LARGE1: variants seen among roughly 807,000 people sequenced by gnomAD.
LARGE1 encodes the protein LARGE xylosyl- and glucuronyltransferase 1, also known as xylosyl- and glucuronyltransferase LARGE1.
A neutral mutation model predicts 87.6 loss-of-function variants in LARGE1; 43 were observed. That is an observed-to-expected ratio of 0.49 (90% CI 0.38 to 0.63). The LOEUF is 0.63. Ranked by LOEUF, LARGE1 falls within the 30% of genes least tolerant of loss-of-function variation. The pLI is 0.00. For missense variants in LARGE1, 802 were observed against 1,000.2 expected (o/e 0.80, Z 2.67); for synonymous variants, 434 against 394.6 (o/e 1.10, Z -1.18).
At chr22:33,213,947 G>C (rs1322759477) in intron 11 of LARGE1, among the ~76,000 whole-genome samples, 2 of 152,064 alleles carry the variant, frequency 1.3e-5, no homozygotes, top group Non-Finnish European at 2.9e-5. Context: ...TCCTGCTTCA[G>C]CCTCCTGAGC....
chr22:33,831,077 C>T (rs73406608), intron 1 of LARGE1, among the ~76,000 whole-genome samples: 6,038 of 151,484 alleles, frequency 0.04, 418 homozygotes, highest in African/African-American at 0.14. Flanking sequence ...CACATATTAG[C>T]AGATATTATT....
At chr22:33,381,554 T>C (rs2065158703) in intron 9 of LARGE1, among the ~76,000 whole-genome samples, 1 of 152,174 alleles carries the variant, frequency 6.6e-6, no homozygotes, top group African/African-American at 2.4e-5. Context: ...TGGAAGCAGG[T>C]TAATTATTCA....
intron 2 of LARGE1, among the ~76,000 whole-genome samples, chr22:33,653,301 C>T (rs1395814141): frequency 1.3e-5 from 2 of 152,166 alleles, no homozygotes; most frequent in Non-Finnish European, 2.9e-5. Context: ...AAAGTTTAAA[C>T]TGTGTTCCTA....
exon 12 of LARGE1, chr22:33,166,257 T>C (rs1162850082): frequency 6.5e-6 from 1 of 153,374 alleles, no homozygotes; most frequent in African/African-American, 2.4e-5. Flanking sequence ...CACTCAAGTC[T>C]GCCTTTGCAG....
intron 9 of LARGE1, among the ~76,000 whole-genome samples, chr22:33,350,673 G>T (rs1198020996): frequency 6.6e-6 from 1 of 152,198 alleles, no homozygotes; most frequent in Non-Finnish European, 1.5e-5. Context: ...GGGAGAGGCA[G>T]CTGTGCTTCC....
intron 1 of LARGE1, among the ~76,000 whole-genome samples, chr22:33,820,737 C>T (rs1256785024): frequency 1.3e-5 from 2 of 152,168 alleles, no homozygotes; most frequent in Non-Finnish European, 2.9e-5. Context: ...TACCCCAATG[C>T]TACCATTTGA....
At chr22:33,313,922 C>G (rs374251683) in intron 11 of LARGE1, among the ~76,000 whole-genome samples, 1 of 152,216 alleles carries the variant, frequency 6.6e-6, no homozygotes, top group African/African-American at 2.4e-5. Flanking sequence ...ATGTGTGGTA[C>G]TTTGTCACCT....
intron 6 of LARGE1, among the ~76,000 whole-genome samples, chr22:33,451,387 G>A (rs928395204): frequency 2.8e-5 from 4 of 142,338 alleles, no homozygotes; most frequent in Non-Finnish European, 6.3e-5. Flanking sequence ...AGCTTTTTGG[G>A]GAACAGGTGA....
intron 6 of LARGE1, among the ~76,000 whole-genome samples, chr22:33,524,380 T>C (rs1010126908): frequency 1.3e-5 from 2 of 152,106 alleles, no homozygotes; most frequent in South Asian, 2.1e-4. Context: ...ACCAATATTA[T>C]CACCTTTCTA....
At chr22:33,686,676 T>C (rs1231721227) in intron 2 of LARGE1, among the ~76,000 whole-genome samples, 3 of 152,212 alleles carry the variant, frequency 2.0e-5, no homozygotes, top group East Asian at 3.9e-4. Flanking sequence ...AGACCAGCCA[T>C]GCTTTGGTCT....
chr22:33,760,295 C>T (rs1013986900), intron 2 of LARGE1, among the ~76,000 whole-genome samples: 3 of 152,160 alleles, frequency 2.0e-5, no homozygotes, highest in Non-Finnish European at 4.4e-5. Flanking sequence ...GTATTTGAAA[C>T]GGCTGGCTAG....
intron 2 of LARGE1, among the ~76,000 whole-genome samples, chr22:33,655,646 C>T (rs922668542): frequency 2.6e-5 from 4 of 152,116 alleles, no homozygotes; most frequent in Admixed American, 1.3e-4. Flanking sequence ...AATAGAAGGA[C>T]GAACAACGGC....
chr22:33,125,652 G>A, the LARGE1 span, among the ~76,000 whole-genome samples: 51 of 152,214 alleles, frequency 3.4e-4, no homozygotes, highest in East Asian at 8.3e-3. Context: ...TCACCATGTT[G>A]GCCAAGATGA....
chr22:33,312,083 G>A (rs575316970), intron 11 of LARGE1, among the ~76,000 whole-genome samples: 1 of 152,250 alleles, frequency 6.6e-6, no homozygotes, highest in South Asian at 2.1e-4. Flanking sequence ...CTAAGCACTG[G>A]CACGCCTTCT....
intron 11 of LARGE1, among the ~76,000 whole-genome samples, chr22:33,199,005 G>A (rs2095751251): frequency 6.6e-6 from 1 of 152,074 alleles, no homozygotes; most frequent in African/African-American, 2.4e-5. Flanking sequence ...TTCCCAACAT[G>A]TTGTTTTTTG....
chr22:33,887,562 C>T (rs2064888541), intron 1 of LARGE1, among the ~76,000 whole-genome samples: 1 of 152,080 alleles, frequency 6.6e-6, no homozygotes, highest in Non-Finnish European at 1.5e-5. Flanking sequence ...CATGGTGAAA[C>T]CCTGTCTCTA....
At chr22:33,199,854 T>C (rs79868717) in intron 11 of LARGE1, among the ~76,000 whole-genome samples, 1 of 150,012 alleles carries the variant, frequency 6.7e-6, no homozygotes, top group South Asian at 2.1e-4. Context: ...TTTTTTTTTT[T>C]TTTCTTTTTT....
At chr22:33,232,132 T>C (rs1490207700) in intron 11 of LARGE1, among the ~76,000 whole-genome samples, 2 of 152,208 alleles carry the variant, frequency 1.3e-5, no homozygotes, top group Admixed American at 1.3e-4. Flanking sequence ...AGTCTGCCTC[T>C]CTGCCTAAAA....
chr22:33,529,747 C>A (rs943995908), intron 6 of LARGE1, among the ~76,000 whole-genome samples: 7 of 152,176 alleles, frequency 4.6e-5, no homozygotes, highest in Admixed American at 3.9e-4. Context: ...AGGAAGCACA[C>A]GGGCTTCAAA....
Sources: allele counts gnomAD v4.1 joint callset (sites outside exome capture counted in the v4.1 genomes callset), GRCh38; gene constraint gnomAD v4.1.1; transcripts MANE v1.5; gene names NCBI Gene and HGNC (gene_info 2026-07-23, HGNC 2026-07-21).